The following APOBEC3F variants were observed in gnomAD, a reference collection of about 807,000 sequenced individuals.
APOBEC3F encodes the protein DNA dC->dU-editing enzyme APOBEC-3F.
Under a neutral mutation model 45.8 loss-of-function variants are expected in APOBEC3F, and 34 were observed. The observed-to-expected ratio is 0.74, with a 90% confidence interval of 0.57 to 0.99. The LOEUF is 0.99. Ranked by LOEUF, APOBEC3F falls within the 50% of genes least tolerant of loss-of-function variation. APOBEC3F has a pLI of 0.00. For missense variants in APOBEC3F, 459 were observed against 474.1 expected (o/e 0.97, Z 0.30); for synonymous variants, 192 against 174.4 (o/e 1.10, Z -0.80).
chr22:39,052,959 C>G lies in APOBEC3F; in HGVS notation c.*264C>G. 1.8e-6 allele frequency: 1 copy of G among 558,716 alleles called. No homozygotes were observed. The highest frequency in any genetic ancestry group is 2.6e-6 in the Non-Finnish European group (1 of 381,352). The allele number at this position is 558,716 out of a possible 1,614,324, so 34.6% of individuals were successfully genotyped here. ...CTGAGCCTGCATGCCCCTAACCTGC[C>G]TTTTCCCATCTCCCCAGCATAACCT... On this transcript the variant is annotated 3_prime_UTR_variant, in exon 7 of 7. Transcript: ENST00000308521.
Position 39,053,927 on chromosome 22 carries a change from C to T in APOBEC3F, c.*1232C>T, listed in dbSNP as rs528823174. 3 of 152,352 alleles carry T rather than the reference C, an allele frequency of 2.0e-5. No homozygotes were observed. Among genetic ancestry groups the T allele is most frequent in the Non-Finnish European group, 2.9e-5 (2 of 68,044 alleles). 9.4% of individuals were successfully genotyped at this position (152,352 alleles called of 1,614,324 possible). A position where few individuals can be genotyped will look rare whatever the true frequency, so the allele number is the denominator to read the frequency against. Reference sequence around the variant, plus strand: ...AGTCTTGGACTCCTTGCTATAATCGCAGCTATTCAGCAATGGAACCTCCCA... The same window carrying T: ...AGTCTTGGACTCCTTGCTATAATCGTAGCTATTCAGCAATGGAACCTCCCA... On this transcript the variant is annotated 3_prime_UTR_variant, in exon 7 of 7. Coordinates refer to ENST00000308521, the MANE Select transcript of APOBEC3F (RefSeq NM_145298.6).
intron 4 of APOBEC3F, among the ~76,000 whole-genome samples, chr22:39,046,663 G>A (rs1220274871): frequency 6.6e-6 from 1 of 151,764 alleles, no homozygotes; most frequent in African/African-American, 2.4e-5. Flanking sequence ...TGTCGCCCAG[G>A]CTGGAGTGCT....
chr22:39,041,008 C>G, intron 1 of APOBEC3F, 31 bp downstream of exon 1: 1 of 1,578,406 alleles, frequency 6.3e-7, no homozygotes, highest in Non-Finnish European at 8.6e-7. Context: ...CGCTGGGCCC[C>G]TCTGCTGCCC....
chr22:39,041,096 C>G (rs1314603079), intron 1 of APOBEC3F, 119 bp downstream of exon 1: 28 of 1,491,602 alleles, frequency 1.9e-5, no homozygotes, highest in Non-Finnish European at 2.2e-5. Context: ...TCCCTCCCCT[C>G]TGGCTCCCCT....
Position 39,049,431 on chromosome 22 carries a change from G to A in APOBEC3F, c.573G>A (p.Pro191=), listed in dbSNP as rs33913356. ...HRTLKEILRN[P]MEAMYPHIFY... ...TTCTCTATTGTGCCTTCAGAAACCC[G>A]ATGGAGGCAATGTATCCACACATAT... Residue 191 remains proline (P), a synonymous_variant, in exon 5 of 7, where the codon CCG becomes CCA. Transcript: ENST00000308521. 6,769 of 1,613,972 alleles carry A rather than the reference G, an allele frequency of 4.2e-3. 132 individuals carry two copies. The highest frequency in any genetic ancestry group is 0.039 in the East Asian group (1,752 of 44,878).
intron 2 of APOBEC3F, among the ~76,000 whole-genome samples, chr22:39,043,338 T>C (rs919676391): frequency 1.3e-5 from 2 of 151,146 alleles, no homozygotes; most frequent in African/African-American, 4.9e-5. Context: ...TTCACTCTTG[T>C]TGCTCAGGCT....
rs1927614151 is a variant in APOBEC3F, at chr22:39,054,002, C to T, written c.*1307C>T. The T allele has an allele frequency of 6.6e-6, 1 of 152,068 alleles. No individual in the cohort carries two copies. Among genetic ancestry groups the T allele is most frequent in the Non-Finnish European group, 1.5e-5 (1 of 68,000 alleles). The allele number at this position is 152,068 out of a possible 1,614,324, so 9.4% of individuals were successfully genotyped here. On this transcript the variant is annotated 3_prime_UTR_variant, in exon 7 of 7. Transcript: ENST00000308521. The stretch of plus-strand genomic sequence containing the variant: ...TGGGCTTTCCCATAGGACAAGAGAA[C>T]ATTTCTCCTTTTCTTTTTTTTTTTC...
rs1927507126 is a variant in APOBEC3F at position 39,051,942 on chromosome 22, A to G, written c.724-132A>G. 32 of 1,362,622 alleles carry G rather than the reference A, an allele frequency of 2.3e-5. No homozygotes were observed. In the South Asian group the frequency reaches 4.2e-4, roughly 18 times the overall value. The allele number at this position is 1,362,622 out of a possible 1,614,324, so 84.4% of individuals were successfully genotyped here. A position where few individuals can be genotyped will look rare whatever the true frequency, so the allele number is the denominator to read the frequency against. On this transcript the variant is annotated intron_variant, in intron 5 of 6. Transcript: ENST00000308521. ...TGCACCCCAGCCTGGGCAACAGGAG[A>G]GACCCTGTCTCAAAAATAAATAAGG...
At chr22:39,046,022 T>C (rs1188874810) in intron 4 of APOBEC3F, among the ~76,000 whole-genome samples, 1 of 152,132 alleles carries the variant, frequency 6.6e-6, no homozygotes, top group Non-Finnish European at 1.5e-5. Flanking sequence ...AGGGCAGGCA[T>C]TTATTTTCTC....
rs1239402493 is a variant in APOBEC3F, at chr22:39,052,618, G to A, written c.1045G>A (p.Glu349Lys). 1.2e-6 allele frequency: 2 copies of A among 1,614,012 alleles called. No individual in the cohort carries two copies. Among genetic ancestry groups the A allele is most frequent in the East Asian group, 4.5e-5 (2 of 44,880 alleles). Residue 349 changes from glutamate (E) to lysine (K), a missense_variant, in exon 7 of 7, where the codon GAG (glutamate) becomes AAG (lysine). By Grantham distance (56) the Glu-to-Lys change is moderately conservative (BLOSUM62 1). Transcript: ENST00000308521. ...GGAAAACTTTGTGTACAATGATGAT[G>A]AGCCATTCAAGCCTTGGAAAGGACT... ...CWENFVYNDD[E>K]PFKPWKGLKY...
rs530450193 is a variant in APOBEC3F at position 39,045,450 on chromosome 22, C to G, written c.474C>G (p.Asn158Lys). Reference protein sequence around the residue: ...DDEEFAYCWENFVYSEGQPFM... With the variant: ...DDEEFAYCWEKFVYSEGQPFM... ...CAGAATTTGCATACTGCTGGGAAAA[C>G]TTTGTGTACAGTGAAGGTCAGCCAT... The change falls in exon 4 of 7, where the codon AAC becomes AAG. Residue 158 changes from asparagine (N) to lysine (K), a missense_variant. Physicochemically the swap from Asn to Lys is moderately conservative, Grantham distance 94. Transcript: ENST00000308521. The G allele has an allele frequency of 1.9e-6, 3 of 1,614,164 alleles. No individual in the cohort carries two copies. The African/African-American group carries it at 4.0e-5, about 22-fold the overall frequency.
rs1927099125 is a variant in APOBEC3F, at chr22:39,044,467, T to A, written c.172-474T>A. 7.9e-6 allele frequency: 9 copies of A among 1,141,750 alleles called. No homozygotes were observed. In the South Asian group the frequency reaches 1.6e-4, roughly 21 times the overall value. The allele number at this position is 1,141,750 out of a possible 1,614,324, so 70.7% of individuals were successfully genotyped here. A position where few individuals can be genotyped will look rare whatever the true frequency, so the allele number is the denominator to read the frequency against. On this transcript the variant is annotated intron_variant, in intron 2 of 6. Transcript: ENST00000308521. ...TCCACTGTCAATGCACCAGCAACTT[T>A]CCAGGGCCTGCGAGCTGCACAGTCA...
intron 4 of APOBEC3F, among the ~76,000 whole-genome samples, chr22:39,046,924 G>A (rs983454096): frequency 6.6e-6 from 1 of 152,148 alleles, no homozygotes; most frequent in African/African-American, 2.4e-5. Flanking sequence ...GGCAACCAGA[G>A]ACCAGAGAGG....
chr22:39,043,099 C>T lies in APOBEC3F; in HGVS notation c.171+9C>T, dbSNP rs768004882. On this transcript the variant is annotated intron_variant, in intron 2 of 6. Transcript: ENST00000308521. ...AGATCTTTCGAGGCCAGGTACCACCCGGACTTCAATCACTTTGCAGGCAGG... is the reference window on the plus strand; with the variant it reads ...AGATCTTTCGAGGCCAGGTACCACCTGGACTTCAATCACTTTGCAGGCAGG... 26 of 1,613,916 alleles carry T rather than the reference C, an allele frequency of 1.6e-5. No homozygotes were observed. Among genetic ancestry groups the T allele is most frequent in the East Asian group, 2.2e-5 (1 of 44,882 alleles).
chr22:39,046,197 G>T (rs1186685067), intron 4 of APOBEC3F, among the ~76,000 whole-genome samples: 1 of 152,084 alleles, frequency 6.6e-6, no homozygotes, highest in Non-Finnish European at 1.5e-5. Flanking sequence ...TGTCCTCCTC[G>T]TTTATGGACC....
At chr22:39,043,754 C>T (rs1482631544) in intron 2 of APOBEC3F, among the ~76,000 whole-genome samples, 1 of 151,562 alleles carries the variant, frequency 6.6e-6, no homozygotes, top group Non-Finnish European at 1.5e-5. Flanking sequence ...GTGGGTGGCT[C>T]GCGCCTGTAA....
Position 39,042,986 on chromosome 22 carries a change from A to G in APOBEC3F, c.67A>G (p.Asn23Asp). The G allele has an allele frequency of 6.2e-7, 1 of 1,614,088 alleles. No individual in the cohort carries two copies. Among genetic ancestry groups the G allele is most frequent in the Non-Finnish European group, 8.5e-7 (1 of 1,180,000 alleles). The change falls in exon 2 of 7, where the codon AAT becomes GAT. Residue 23 changes from asparagine to aspartate, a missense_variant. Coordinates refer to ENST00000308521, the MANE Select transcript of APOBEC3F (RefSeq NM_145298.6). ...AGACACATTCTCCTACAACTTTTAT[A>G]ATAGACCCATCCTTTCTCGTCGGAA... The part of the protein sequence containing the change: ...YRDTFSYNFY[N>D]RPILSRRNTV...
Position 39,052,215 on chromosome 22 carries a change from G to A in APOBEC3F, c.865G>A (p.Glu289Lys), listed in dbSNP as rs1161156782. 12 of 1,614,050 alleles carry A rather than the reference G, an allele frequency of 7.4e-6. No homozygotes were observed. In the African/African-American group the frequency reaches 1.1e-4, roughly 14 times the overall value. ...CCCAGAGTGTGCAGGGGAGGTGGCC[G>A]AGTTCCTGGCCAGGCACAGCAACGT... Reference protein sequence around the residue: ...PCPECAGEVAEFLARHSNVNL... With the variant: ...PCPECAGEVAKFLARHSNVNL... The change falls in exon 6 of 7, where the codon GAG becomes AAG. Residue 289 changes from glutamate (E) to lysine (K), a missense_variant. Physicochemically the swap from Glu to Lys is moderately conservative, Grantham distance 56. Coordinates refer to ENST00000308521, the MANE Select transcript of APOBEC3F (RefSeq NM_145298.6).
rs1348473940 is a variant in APOBEC3F at position 39,055,837 on chromosome 22, C to G, written c.*3142C>G. Among the ~76,000 whole-genome samples the G allele has an allele frequency of 1.3e-5, 2 of 152,164 alleles. No homozygotes were observed. The highest frequency in any genetic ancestry group is 6.5e-5 in the Admixed American group (1 of 15,278). The stretch of plus-strand genomic sequence containing the variant: ...GTCACGTAGCCCACGCTTGCACAAT[C>G]TATCACGACCCTTTCACGTGGACCC... On this transcript the variant is annotated 3_prime_UTR_variant, in exon 7 of 7. Coordinates refer to ENST00000308521, the MANE Select transcript of APOBEC3F (RefSeq NM_145298.6).
Sources: gnomAD v4.1 joint callset for allele counts (sites outside exome capture counted in the v4.1 genomes callset) on GRCh38, gnomAD v4.1.1 for gene constraint, MANE v1.5 for transcripts, NCBI Gene and HGNC (gene_info 2026-07-23, HGNC 2026-07-21) for gene names.